Variants in RBM10 observed in about 807,000 individuals in gnomAD.
The protein encoded by RBM10 is RNA-binding protein 10.
RBM10 carries 1 observed loss-of-function variant against 84.9 expected under a neutral mutation model. The ratio of observed to expected loss-of-function variants is 0.01; its 90% CI spans 0.00 to 0.06. The LOEUF (loss-of-function observed/expected upper bound fraction) is 0.06. Among genes scored for constraint, RBM10 ranks in the 10% least tolerant of loss-of-function variants. RBM10 has a pLI of 1.00. For missense variants in RBM10, 438 were observed against 839.0 expected, an observed-to-expected ratio of 0.52 and a Z score of 5.90; for synonymous variants, 326 against 344.5, an observed-to-expected ratio of 0.95 and a Z score of 0.60.
chrX:47,164,449 G>A (rs1556768093), intron 2 of RBM10, among the ~76,000 whole-genome samples: 1 of 107,845 alleles, frequency 9.3e-6, no homozygotes, highest in Non-Finnish European at 1.9e-5. Context: ...CTGAACCTGG[G>A]AGGCAGAGGT....
intron 6 of RBM10, 23 bp downstream of exon 6, chrX:47,175,115 C>G: frequency 1.0e-6 from 1 of 1,000,986 alleles, no homozygotes. Flanking sequence ...CACTTGAACC[C>G]CCCCCCAAAC....
chrX:47,157,805 A>G (rs1383687216), intron 2 of RBM10: 2 of 340,452 alleles, frequency 5.9e-6, no homozygotes, highest in Non-Finnish European at 5.1e-6. Context: ...TTTTGAGATC[A>G]GTCTCACTCA....
chrX:47,166,339 A>G (rs781918647), intron 2 of RBM10, among the ~76,000 whole-genome samples: 8 of 111,568 alleles, frequency 7.2e-5, no homozygotes, highest in Non-Finnish European at 1.1e-4. Context: ...CAGGAGGTGG[A>G]GGCTACAGTA....
chrX:47,177,883 C>A (rs989531252), intron 7 of RBM10, among the ~76,000 whole-genome samples: 4 of 112,134 alleles, frequency 3.6e-5, no homozygotes, highest in African/African-American at 1.3e-4. Context: ...TCCCAAAGTG[C>A]TGGGATTACA....
Position 47,185,186 on chromosome X carries a change from T to C in RBM10, c.2082T>C (p.Tyr694=), listed in dbSNP as rs1569199219. ...RRESATADAG[Y]AILEKKGALA... is the part of the protein sequence containing the mutation. ...AGTCAGCCACTGCAGATGCTGGCTA[T>C]GCCATCCTCGAGAAGAAGGTGTGTT... The change falls in exon 18 of 24, where the codon TAT becomes TAC. Residue 694 remains tyrosine, a synonymous_variant. Coordinates refer to ENST00000377604, the MANE Select transcript of RBM10 (RefSeq NM_005676.5). 1 of 1,212,401 alleles carries C rather than the reference T, an allele frequency of 8.2e-7. No individual in the cohort carries two copies. The highest frequency in any genetic ancestry group is 2.2e-5 in the Admixed American group (1 of 46,139).
chrX:47,171,110 G>C lies in RBM10; in HGVS notation c.284G>C (p.Gly95Ala), dbSNP rs1556772846. ...RHRHSPTGPP[G>A]FPRDGDYRDQ... ...AGGCACAGCCCCACCGGCCCGCCAGGCTTCCCCCGAGACGGCGACTATCGG... is the reference window on the plus strand; with the variant it reads ...AGGCACAGCCCCACCGGCCCGCCAGCCTTCCCCCGAGACGGCGACTATCGG... The change falls in exon 4 of 24, where the codon GGC (glycine) becomes GCC (alanine). Residue 95 changes from glycine (G) to alanine (A), a missense_variant. Gly to Ala is a moderately conservative substitution (Grantham distance 60, BLOSUM62 0). Around this residue, in one of 8 missense-constraint regions of RBM10, gnomAD observed 92 missense variants for 134.3 expected, o/e 0.69. Coordinates refer to ENST00000377604, the MANE Select transcript of RBM10 (RefSeq NM_005676.5). The C allele has an allele frequency of 8.3e-7, 1 of 1,208,930 alleles. No homozygotes were observed. The highest frequency in any genetic ancestry group is 2.2e-5 in the Admixed American group (1 of 45,772).
chrX:47,173,284 C>A (rs1448159274), intron 5 of RBM10, 87 bp downstream of exon 5: 1 of 1,173,051 alleles, frequency 8.5e-7, no homozygotes, highest in African/African-American at 1.8e-5. Context: ...TCCCCCACTC[C>A]CTCCACCACC....
rs782579242 is a variant in RBM10, at chrX:47,159,356, C to T, written c.18-9959C>T. ...CCAGGAGGTGGAGGTTGCGGTGAGC[C>T]GAGATTGCACCATTGCACTCCAGCC... On this transcript the variant is annotated intron_variant, in intron 2 of 23. Transcript: ENST00000377604. 3.4e-4 allele frequency among the ~76,000 whole-genome samples: 35 copies of T among 103,331 alleles called. 1 individual carries two copies. Among genetic ancestry groups the T allele is most frequent in the Admixed American group, 1.7e-3 (16 of 9,291 alleles). 89.7% of individuals were successfully genotyped at this position (103,331 alleles called of 115,157 possible). A position where few individuals can be genotyped will look rare whatever the true frequency, so the allele number is the denominator to read the frequency against.
At position 47,179,341 on chromosome X, in the gene RBM10, C is replaced by T. The variant is rs143244180; in HGVS notation, c.747C>T (p.Leu249=). 82 of 1,197,611 alleles carry T rather than the reference C, an allele frequency of 6.8e-5. No homozygotes were observed. The highest frequency in any genetic ancestry group is 8.2e-5 in the Non-Finnish European group (73 of 890,121). The change falls in exon 9 of 24, where the codon CTC becomes CTT. Residue 249 remains leucine, a synonymous_variant. Coordinates refer to ENST00000377604, the MANE Select transcript of RBM10 (RefSeq NM_005676.5). ...PKSEAEQKLP[L]GTRLDQQTLP... ...CAGAGGCAGAGCAGAAGCTGCCCCT[C>T]GGCACGAGGCTGGATCAGCAGACAC...
At chrX:47,184,845 G>A (rs1313879904) in intron 17 of RBM10, among the ~76,000 whole-genome samples, 1 of 111,331 alleles carries the variant, frequency 9.0e-6, no homozygotes, top group Non-Finnish European at 1.9e-5. Flanking sequence ...TTGGGGGTGG[G>A]AGTGGCTTAT....
intron 17 of RBM10, among the ~76,000 whole-genome samples, chrX:47,183,660 T>A (rs1556780861): frequency 9.0e-6 from 1 of 111,487 alleles, no homozygotes; most frequent in Non-Finnish European, 1.9e-5. Flanking sequence ...CTATACAATC[T>A]GTGCATGTAA....
At chrX:47,173,105 C>T (rs201271466) in intron 4 of RBM10, 23 bp from the exon 5 acceptor site, 4 of 1,210,858 alleles carry the variant, frequency 3.3e-6, no homozygotes, top group Admixed American at 4.4e-5. Context: ...TGAGCCTGCC[C>T]TACTCTGTAT....
chrX:47,155,010 G>A (rs1172076224), intron 2 of RBM10, among the ~76,000 whole-genome samples: 1 of 107,456 alleles, frequency 9.3e-6, no homozygotes, highest in Non-Finnish European at 1.9e-5. Context: ...AGCTGGGTGT[G>A]GTGGCAGGCA....
At chrX:47,181,692 G>T (rs1362066644) in intron 14 of RBM10, 46 bp downstream of exon 14, 5 of 1,206,679 alleles carry the variant, frequency 4.1e-6, no homozygotes, top group Non-Finnish European at 5.6e-6. Flanking sequence ...CAGGCAGGCG[G>T]CAGGGGTGGC....
At chrX:47,175,345 C>T (rs1935055947) in intron 6 of RBM10, among the ~76,000 whole-genome samples, 1 of 110,134 alleles carries the variant, frequency 9.1e-6, no homozygotes, top group African/African-American at 3.3e-5. Context: ...TGCCCCTTCA[C>T]CTCTCCCAGC....
Position 47,186,780 on chromosome X carries a change from G to T in RBM10, c.*181G>T. The T allele has an allele frequency of 1.8e-6, 1 of 550,760 alleles. No individual in the cohort carries two copies. Among genetic ancestry groups the T allele is most frequent in the Non-Finnish European group, 3.0e-6 (1 of 330,563 alleles). The allele number at this position is 550,760 out of a possible 1,213,427, so 45.4% of individuals were successfully genotyped here. A position where few individuals can be genotyped will look rare whatever the true frequency, so the allele number is the denominator to read the frequency against. On this transcript the variant is annotated 3_prime_UTR_variant, in exon 24 of 24. Coordinates refer to ENST00000377604, the MANE Select transcript of RBM10 (RefSeq NM_005676.5). ...TGTTGGAAAATTGGGCTGGGATCAC[G>T]TCCTGTTTTGTAATAAAAGCTGAAA...
intron 2 of RBM10, among the ~76,000 whole-genome samples, chrX:47,160,587 TAAA>T (rs59952208): frequency 1.0e-5 from 1 of 99,926 alleles, no homozygotes; most frequent in African/African-American, 3.6e-5. Context: ...TATTAAAAAG[TAAA>T]AAAAAAAAAA....
rs782811409 is a variant in RBM10 at position 47,186,602 on chromosome X, A to C, written c.*3A>C. On this transcript the variant is annotated 3_prime_UTR_variant, in exon 24 of 24. Coordinates refer to ENST00000377604, the MANE Select transcript of RBM10 (RefSeq NM_005676.5). ...CCCGCTTCAACGAGGCCCAGTGAGC[A>C]GCTTCAAGAGCAACTTCTCCACATG... The C allele has an allele frequency of 8.3e-7, 1 of 1,211,630 alleles. No individual in the cohort carries two copies. The highest frequency in any genetic ancestry group is 3.0e-5 in the East Asian group (1 of 33,831).
At chrX:47,168,687 A>G (rs1359149483) in intron 2 of RBM10, among the ~76,000 whole-genome samples, 5 of 111,704 alleles carry the variant, frequency 4.5e-5, no homozygotes, top group Admixed American at 9.5e-5. Flanking sequence ...ACGTGGTGCA[A>G]GACAGGGAGG....
Sources: gnomAD v4.1 joint callset for allele counts (sites outside exome capture counted in the v4.1 genomes callset) on GRCh38, gnomAD v4.1.1 for gene constraint, gnomAD v4.1.1 regional missense constraint, MANE v1.5 for transcripts, NCBI Gene and HGNC (gene_info 2026-07-23, HGNC 2026-07-21) for gene names.